Variants in PRUNE2 observed in about 807,000 individuals in gnomAD.
PRUNE2 encodes prune homolog 2 with BCH domain.
In PRUNE2, 164 loss-of-function variants were observed where a neutral mutation model predicts 252.0. The ratio of observed to expected loss-of-function variants is 0.65; its 90% CI spans 0.57 to 0.74. The LOEUF (loss-of-function observed/expected upper bound fraction) is 0.74, where lower values mean the gene tolerates loss of function less well. PRUNE2 is among the 30% of genes least tolerant of loss of function. The probability of loss-of-function intolerance (pLI) is 0.00; values close to 1 mark genes in which losing one functional copy is unlikely to be tolerated. For missense variants in PRUNE2, 3,495 were observed against 3,711.0 expected (o/e 0.94, Z 1.51); for synonymous variants, 1,292 against 1,350.2 (o/e 0.96, Z 0.94).
intron 6 of PRUNE2, among the ~76,000 whole-genome samples, chr9:76,723,047 T>G (rs2047780662): frequency 6.6e-6 from 1 of 152,268 alleles, no homozygotes; most frequent in African/African-American, 2.4e-5. Flanking sequence ...TGCTTACGTC[T>G]TTTGAAGATC....
At chr9:76,803,617 T>A (rs1167525299) in intron 6 of PRUNE2, among the ~76,000 whole-genome samples, 1 of 152,112 alleles carries the variant, frequency 6.6e-6, no homozygotes, top group African/African-American at 2.4e-5. Context: ...GGGTTCAGCC[T>A]CTCCCCTGCC....
At chr9:76,811,758 A>C (rs2057371163) in intron 6 of PRUNE2, among the ~76,000 whole-genome samples, 2 of 152,210 alleles carry the variant, frequency 1.3e-5, no homozygotes, top group African/African-American at 4.8e-5. Context: ...TGTGAACTTA[A>C]AAGAGAAGTC....
At chr9:76,729,276 A>T (rs568154734) in intron 6 of PRUNE2, among the ~76,000 whole-genome samples, 37 of 152,280 alleles carry the variant, frequency 2.4e-4, no homozygotes, top group African/African-American at 8.7e-4. Flanking sequence ...TTCTAAAAAT[A>T]CGGACACCTG....
intron 6 of PRUNE2, among the ~76,000 whole-genome samples, chr9:76,792,399 T>C (rs2055641252): frequency 6.6e-6 from 1 of 152,164 alleles, no homozygotes; most frequent in African/African-American, 2.4e-5. Flanking sequence ...CAATCTCGGG[T>C]ATGTCCTTAT....
intron 7 of PRUNE2, among the ~76,000 whole-genome samples, chr9:76,712,131 ATAC>A (rs200612783): frequency 3.9e-5 from 6 of 152,102 alleles, no homozygotes; most frequent in African/African-American, 1.2e-4. Context: ...GCTCACATAG[ATAC>A]TACTACTACT....
At chr9:76,748,698 TA>T (rs2050351961) in intron 6 of PRUNE2, 3 of 152,206 alleles carry the variant, frequency 2.0e-5, no homozygotes, top group Non-Finnish European at 4.4e-5. Context: ...GGAGGCGTCT[TA>T]AATCTGGATG....
At chr9:76,763,673 C>T (rs551485405) in intron 6 of PRUNE2, among the ~76,000 whole-genome samples, 8 of 152,224 alleles carry the variant, frequency 5.3e-5, no homozygotes, top group South Asian at 2.1e-4. Context: ...TTAAAAGCCA[C>T]GTTGGTGGAT....
intron 1 of PRUNE2, chr9:76,856,455 T>C (rs979223502): frequency 6.6e-6 from 1 of 152,016 alleles, no homozygotes; most frequent in African/African-American, 2.4e-5. Context: ...ACATGGGGAG[T>C]GTAGCAAGAT....
chr9:76,718,898 C>T (rs916897329), intron 6 of PRUNE2, among the ~76,000 whole-genome samples: 9 of 152,112 alleles, frequency 5.9e-5, no homozygotes, highest in African/African-American at 1.9e-4. Context: ...AGGAATTATC[C>T]TTGATTGTTT....
chr9:76,819,666 G>C (rs560090828), intron 6 of PRUNE2, among the ~76,000 whole-genome samples: 1 of 152,194 alleles, frequency 6.6e-6, no homozygotes, highest in Non-Finnish European at 1.5e-5. Flanking sequence ...AAGTGATCAA[G>C]TCAGTGCATG....
At chr9:76,624,715 A>ACTT (rs1833922514) in intron 16 of PRUNE2, among the ~76,000 whole-genome samples, 1 of 152,350 alleles carries the variant, frequency 6.6e-6, no homozygotes, top group East Asian at 1.9e-4. Context: ...TAAAATGTAG[A>ACTT]CATAAGTTGC....
intron 12 of PRUNE2, chr9:76,644,485 C>T: frequency 2.4e-6 from 1 of 421,838 alleles, no homozygotes; most frequent in Non-Finnish European, 4.1e-6. Flanking sequence ...TAAATTTGCA[C>T]AAGATGATCG....
chr9:76,659,343 G>A (rs1372212657), intron 9 of PRUNE2, among the ~76,000 whole-genome samples: 1 of 152,162 alleles, frequency 6.6e-6, no homozygotes, highest in East Asian at 1.9e-4. Context: ...CATATTGACA[G>A]TAAATATCTT....
In PRUNE2 at chr9:76,708,491, G is replaced by A. The variant is rs1158303947; in HGVS notation, c.3783C>T (p.Asp1261=). Residue 1261 remains aspartate (D), a synonymous_variant, in exon 8 of 19, where the codon GAC becomes GAT. Coordinates refer to ENST00000376718, the MANE Select transcript of PRUNE2 (RefSeq NM_015225.3). ...EIPSHSANVK[D]THSPDAPAAS... is the part of the protein sequence containing the mutation. ...CTGCTGGCGCATCTGGGGAATGAGT[G>A]TCTTTAACATTTGCTGAATGGCTGG... 1 of 1,613,942 alleles carries A rather than the reference G, an allele frequency of 6.2e-7. No individual in the cohort carries two copies. The highest frequency in any genetic ancestry group is 2.2e-5 in the East Asian group (1 of 44,870).
At chr9:76,828,742 G>A (rs941246496) in intron 4 of PRUNE2, among the ~76,000 whole-genome samples, 2 of 152,150 alleles carry the variant, frequency 1.3e-5, no homozygotes, top group Non-Finnish European at 2.9e-5. Flanking sequence ...CCAGCCGGGC[G>A]CAGCGGCTCA....
At chr9:76,731,278 C>A (rs2048548026) in intron 6 of PRUNE2, among the ~76,000 whole-genome samples, 1 of 91,784 alleles carries the variant, frequency 1.1e-5, no homozygotes, top group African/African-American at 5.6e-5. Context: ...TATATTCCCT[C>A]TCTCTATCTA....
At chr9:76,775,959 C>CA (rs11401961) in intron 6 of PRUNE2, among the ~76,000 whole-genome samples, 44,890 of 151,976 alleles carry the variant, frequency 0.3, 6,856 homozygotes, top group East Asian at 0.48. Context: ...TATTTCCTTC[C>CA]AAAAAATTCC....
intron 6 of PRUNE2, among the ~76,000 whole-genome samples, chr9:76,804,521 C>T (rs949570350): frequency 1.3e-5 from 2 of 152,178 alleles, no homozygotes; most frequent in African/African-American, 2.4e-5. Flanking sequence ...TCAACATAAC[C>T]TTCTAACAGA....
At chr9:76,860,252 C>T (rs1421106276) in intron 1 of PRUNE2, among the ~76,000 whole-genome samples, 3 of 152,164 alleles carry the variant, frequency 2.0e-5, no homozygotes, top group Non-Finnish European at 4.4e-5. Flanking sequence ...GGGAAGTTAT[C>T]GATCTTGTGA....
Sources: allele counts gnomAD v4.1 joint callset (sites outside exome capture counted in the v4.1 genomes callset), GRCh38; gene constraint gnomAD v4.1.1; transcripts MANE v1.5; gene names NCBI Gene and HGNC (gene_info 2026-07-23, HGNC 2026-07-21).